The following ABLIM1 variants were observed in gnomAD, a reference collection of about 807,000 sequenced individuals.
The protein encoded by ABLIM1 is actin-binding LIM protein 1.
ABLIM1 carries 40 observed loss-of-function variants against 107.0 expected under a neutral mutation model. The observed-to-expected ratio is 0.37, with a 90% CI of 0.29 to 0.49. The LOEUF (loss-of-function observed/expected upper bound fraction) is 0.49, where lower values mean the gene tolerates loss of function less well. Among genes scored for constraint, ABLIM1 ranks in the 20% least tolerant of loss-of-function variants. ABLIM1 has a pLI of 0.97. For synonymous variants in ABLIM1, 357 were observed against 357.3 expected (o/e 1.00, Z 0.01); for missense variants, 857 against 1,008.5 (o/e 0.85, Z 2.04).
Position 114,449,130 on chromosome 10 carries a change from G to C in ABLIM1, c.1595-1110C>G, listed in dbSNP as rs1052642085. ...ACTAGCAGCAATATTAGTTCACAAA[G>C]TTCTTATTGGCTATGCTTAGAGGAG... On this transcript the variant is annotated intron_variant, in intron 14 of 22. Coordinates refer to ENST00000533213, the MANE Select transcript of ABLIM1 (RefSeq NM_002313.7). 5.2e-4 allele frequency among the ~76,000 whole-genome samples: 79 copies of C among 152,290 alleles called. 1 individual carries two copies. The highest frequency in any genetic ancestry group is 5.2e-3 in the Admixed American group (79 of 15,294).
intron 6 of ABLIM1, among the ~76,000 whole-genome samples, chr10:114,509,269 C>A (rs7091500): frequency 3.3e-5 from 5 of 152,276 alleles, no homozygotes; most frequent in Non-Finnish European, 7.4e-5. Context: ...ACTCCCAGGA[C>A]GAGTCAGGGT....
Position 114,441,085 on chromosome 10 carries a change from G to A in ABLIM1, c.1999-8C>T. 3.2e-6 allele frequency: 5 copies of A among 1,574,086 alleles called. No homozygotes were observed. The highest frequency in any genetic ancestry group is 4.3e-6 in the Non-Finnish European group (5 of 1,158,054). On this transcript the variant is annotated splice_polypyrimidine_tract_variant and splice_region_variant and intron_variant, in intron 18 of 22. Coordinates refer to ENST00000533213, the MANE Select transcript of ABLIM1 (RefSeq NM_002313.7). ...GAAGTCGGTAGAAACAGGCTGAAAT[G>A]AGGAAAAACAATTATTAGGAAATCT...
At chr10:114,637,025 G>A (rs972485365) in intron 1 of ABLIM1, among the ~76,000 whole-genome samples, 7 of 130,950 alleles carry the variant, frequency 5.3e-5, no homozygotes, top group South Asian at 2.6e-4. Context: ...AGAGTGAGAC[G>A]CTGTCTCTTT....
At chr10:114,488,830 ATATGAT>A (rs2058541791) in intron 7 of ABLIM1, among the ~76,000 whole-genome samples, 1 of 152,228 alleles carries the variant, frequency 6.6e-6, no homozygotes, top group Non-Finnish European at 1.5e-5. Flanking sequence ...TATGTCATTT[ATATGAT>A]TATGAGTAAG....
intron 2 of ABLIM1, among the ~76,000 whole-genome samples, chr10:114,583,404 A>AACAC (rs1164587300): frequency 5.9e-4 from 42 of 71,330 alleles, no homozygotes; most frequent in Admixed American, 7.5e-4. Context: ...GAGAAAAGGG[A>AACAC]ACACACACAC....
intron 4 of ABLIM1, among the ~76,000 whole-genome samples, chr10:114,565,285 T>C (rs2070497517): frequency 6.6e-6 from 1 of 152,220 alleles, no homozygotes; most frequent in African/African-American, 2.4e-5. Context: ...TTCCTGCCTT[T>C]GTCAGTTTTT....
At chr10:114,691,614 G>A (rs934870192) in intron 1 of ABLIM1, among the ~76,000 whole-genome samples, 1 of 152,162 alleles carries the variant, frequency 6.6e-6, no homozygotes, top group African/African-American at 2.4e-5. Context: ...TGGTGCCTTT[G>A]AAAAAGTTGT....
chr10:114,771,550 ACAT>A (rs1239928747), upstream of ABLIM1, among the ~76,000 whole-genome samples: 1 of 152,224 alleles, frequency 6.6e-6, no homozygotes. Context: ...AGGGCCACTC[ACAT>A]CATCTCAGAA....
chr10:114,595,431 C>T (rs977387810), intron 2 of ABLIM1, among the ~76,000 whole-genome samples: 1 of 152,100 alleles, frequency 6.6e-6, no homozygotes, highest in African/African-American at 2.4e-5. Flanking sequence ...TCTAATACAG[C>T]GTAAAATACA....
chr10:114,445,257 A>G (rs1385543199), intron 16 of ABLIM1, 55 bp downstream of exon 16: 1 of 1,495,022 alleles, frequency 6.7e-7, no homozygotes, highest in Non-Finnish European at 9.3e-7. Flanking sequence ...TTCAAAAAAT[A>G]TAGATCTTAT....
At chr10:114,488,896 T>C (rs1023926551) in intron 7 of ABLIM1, among the ~76,000 whole-genome samples, 2 of 152,234 alleles carry the variant, frequency 1.3e-5, no homozygotes, top group Non-Finnish European at 2.9e-5. Flanking sequence ...TGGACAGAAC[T>C]TAAATGAGCA....
chr10:114,517,176 C>T (rs978022986), intron 6 of ABLIM1, among the ~76,000 whole-genome samples: 1 of 152,188 alleles, frequency 6.6e-6, no homozygotes, highest in African/African-American at 2.4e-5. Flanking sequence ...ATATGTCCAA[C>T]CTGCTTTGCA....
chr10:114,443,710 A>G (rs71484942), intron 17 of ABLIM1, among the ~76,000 whole-genome samples: 1 of 150,576 alleles, frequency 6.6e-6, no homozygotes, highest in Non-Finnish European at 1.5e-5. Context: ...GAAGAAAAGC[A>G]TCATGTTTTT....
At chr10:114,705,520 A>T (rs1339157463) in intron 1 of ABLIM1, among the ~76,000 whole-genome samples, 1 of 152,210 alleles carries the variant, frequency 6.6e-6, no homozygotes, top group Non-Finnish European at 1.5e-5. Flanking sequence ...CAGAGGCTTG[A>T]CATAACGAGT....
rs192220426 is a variant in ABLIM1 at position 114,452,735 on chromosome 10, T to C, written c.1546+644A>G. On this transcript the variant is annotated intron_variant, in intron 13 of 22. Transcript: ENST00000533213. The stretch of plus-strand genomic sequence containing the variant: ...ACATTAAGATATTATATTAATGGGC[T>C]CTGATTATTTCAGTTTCTGATGTCA... Among the ~76,000 whole-genome samples the C allele has an allele frequency of 3.3e-5, 5 of 152,340 alleles. No homozygotes were observed. In the East Asian group the frequency reaches 9.6e-4, roughly 29 times the overall value.
At position 114,491,012 on chromosome 10, in the gene ABLIM1, G is replaced by GTGTGTGTGTATATATA; in HGVS notation, c.982+778_982+779insTATATATACACACACA. ...TGTGTGTGTGTGTGTGTGTGTGTGT[G>GTGTGTGTGTATATATA]TATATATATATATGGTCTATTTTAT... is the stretch of plus-strand genomic sequence containing the variant. On this transcript the variant is annotated intron_variant, in intron 7 of 22. Coordinates refer to ENST00000533213, the MANE Select transcript of ABLIM1 (RefSeq NM_002313.7). Among the ~76,000 whole-genome samples, 285 of 92,332 alleles carry GTGTGTGTGTATATATA rather than the reference G, an allele frequency of 3.1e-3. 5 individuals are homozygous for GTGTGTGTGTATATATA. The highest frequency in any genetic ancestry group is 5.7e-3 in the Middle Eastern group (1 of 176). 60.6% of individuals were successfully genotyped at this position (92,332 alleles called of 152,430 possible). A position where few individuals can be genotyped will look rare whatever the true frequency, so the allele number is the denominator to read the frequency against.
intron 7 of ABLIM1, among the ~76,000 whole-genome samples, chr10:114,489,684 G>A (rs1450622587): frequency 6.6e-6 from 1 of 152,160 alleles, no homozygotes; most frequent in African/African-American, 2.4e-5. Flanking sequence ...CTGCTGAGCA[G>A]GAGTCACTGG....
intron 4 of ABLIM1, 29 bp from the exon 5 acceptor site, chr10:114,547,805 T>C (rs2067546608): frequency 6.2e-7 from 1 of 1,600,886 alleles, no homozygotes; most frequent in Admixed American, 1.7e-5. Flanking sequence ...CAGTGGTTAC[T>C]ACACATTTCC....
intron 1 of ABLIM1, among the ~76,000 whole-genome samples, chr10:114,740,300 C>A (rs1221016297): frequency 6.6e-6 from 1 of 152,126 alleles, no homozygotes; most frequent in Admixed American, 6.5e-5. Flanking sequence ...CTACTCGTAG[C>A]ATATGCTACA....
Sources: allele counts gnomAD v4.1 joint callset (sites outside exome capture counted in the v4.1 genomes callset), GRCh38; gene constraint gnomAD v4.1.1; transcripts MANE v1.5; gene names NCBI Gene and HGNC (gene_info 2026-07-23, HGNC 2026-07-21).